Variants in DGKH observed in about 807,000 individuals in gnomAD.
DGKH encodes DAG kinase eta.
Under a neutral mutation model 159.3 loss-of-function variants are expected in DGKH, and 90 were observed. The ratio of observed to expected loss-of-function variants is 0.57; its 90% CI spans 0.48 to 0.67. The LOEUF is 0.67. DGKH is among the 30% of genes least tolerant of loss of function. The pLI, the probability that DGKH is intolerant of heterozygous loss-of-function variation, is 0.00. For synonymous variants in DGKH, 536 were observed against 553.8 expected (o/e 0.97, Z 0.45); for missense variants, 1,181 against 1,506.1 (o/e 0.78, Z 3.57).
chr13:42,253,739 T>C (rs1176343753), intron 30 of DGKH, among the ~76,000 whole-genome samples: 3 of 152,228 alleles, frequency 2.0e-5, no homozygotes, highest in African/African-American at 7.2e-5. Context: ...AGCTTAACTT[T>C]CTAGGTTCTT....
chr13:42,069,408 A>G lies in DGKH; in HGVS notation c.192+20443A>G, dbSNP rs1164894898. On this transcript the variant is annotated intron_variant, in intron 1 of 29. Coordinates refer to ENST00000337343, the MANE Select transcript of DGKH (RefSeq NM_178009.5). ...TACTGACTTTGATATCAAACTTTTC[A>G]ATTCTAGTTGGGACACTGAGCTATT... 5 of 1,534,972 alleles carry G rather than the reference A, an allele frequency of 3.3e-6. No individual in the cohort carries two copies. In the African/African-American group the frequency reaches 6.9e-5, roughly 21 times the overall value.
At chr13:42,088,638 G>T (rs1422780048) in intron 1 of DGKH, among the ~76,000 whole-genome samples, 1 of 151,988 alleles carries the variant, frequency 6.6e-6, no homozygotes, top group Non-Finnish European at 1.5e-5. Flanking sequence ...AAAAGAGCAT[G>T]AGTAATAAGC....
Position 42,143,677 on chromosome 13 carries a change from T to G in DGKH, c.385-11614T>G, listed in dbSNP as rs763916879. ...ATCCATTTCTTCTAGATTTTCTAGT[T>G]TATTTGCGTAGAGGTGTTTATAGTA... is the stretch of plus-strand genomic sequence containing the variant. On this transcript the variant is annotated intron_variant, in intron 3 of 29. Coordinates refer to ENST00000337343, the MANE Select transcript of DGKH (RefSeq NM_178009.5). Among the ~76,000 whole-genome samples, 194 of 152,280 alleles carry G rather than the reference T, an allele frequency of 1.3e-3. 1 individual carries two copies. The highest frequency in any genetic ancestry group is 2.4e-3 in the Non-Finnish European group (166 of 68,018).
Position 42,088,508 on chromosome 13 carries a change from A to AT in DGKH, c.193-38953dup, listed in dbSNP as rs528600002. Among the ~76,000 whole-genome samples the AT allele has an allele frequency of 6.4e-4, 97 of 152,282 alleles. 1 individual carries two copies. The highest frequency in any genetic ancestry group is 2.1e-3 in the African/African-American group (89 of 41,580). ...GAGTTTGAGGAAATGGATGTTTACCATTGTAAGAGTCTCATACTGTAACCG... is the reference window on the plus strand; with the variant it reads ...GAGTTTGAGGAAATGGATGTTTACCATTTGTAAGAGTCTCATACTGTAACCG... On this transcript the variant is annotated intron_variant, in intron 1 of 29. Transcript: ENST00000337343.
chr13:42,083,030 A>G (rs906628370), intron 1 of DGKH, among the ~76,000 whole-genome samples: 1 of 152,174 alleles, frequency 6.6e-6, no homozygotes, highest in African/African-American at 2.4e-5. Context: ...GGTTTTTAGG[A>G]AAAAAGCTAG....
chr13:42,049,733 A>G (rs1209729919), intron 1 of DGKH, among the ~76,000 whole-genome samples: 3 of 152,212 alleles, frequency 2.0e-5, no homozygotes, highest in Admixed American at 1.3e-4. Flanking sequence ...TGCTGTGTGG[A>G]CATTAGGATG....
intron 11 of DGKH, among the ~76,000 whole-genome samples, chr13:42,172,311 C>T (rs1255386383): frequency 6.6e-6 from 1 of 151,606 alleles, no homozygotes; most frequent in Non-Finnish European, 1.5e-5. Flanking sequence ...GGGGTTTCAC[C>T]ATGTTGGCCA....
chr13:42,203,616 A>G (rs1446636198), intron 20 of DGKH, among the ~76,000 whole-genome samples: 3 of 152,190 alleles, frequency 2.0e-5, no homozygotes, highest in Admixed American at 2.0e-4. Context: ...TGAGAAATAT[A>G]TATATAGCTG....
chr13:42,251,203 C>T (rs958875834), intron 29 of DGKH, among the ~76,000 whole-genome samples: 2 of 152,106 alleles, frequency 1.3e-5, no homozygotes, highest in African/African-American at 4.8e-5. Context: ...TGGCCGGGCA[C>T]AGTGGCTCAC....
At chr13:42,167,644 C>T (rs368026920) in intron 9 of DGKH, among the ~76,000 whole-genome samples, 1 of 152,182 alleles carries the variant, frequency 6.6e-6, no homozygotes, top group Admixed American at 6.5e-5. Context: ...CCTTCCTTTC[C>T]TCTGCTGAGG....
chr13:42,147,430 A>G (rs897498359), intron 3 of DGKH, among the ~76,000 whole-genome samples: 25 of 152,220 alleles, frequency 1.6e-4, no homozygotes, highest in African/African-American at 4.8e-4. Flanking sequence ...AAGTATGATT[A>G]TGGTGTAATG....
At chr13:42,256,080 A>C in intron 30 of DGKH, 1 of 1,259,632 alleles carries the variant, frequency 7.9e-7, no homozygotes, top group South Asian at 1.2e-5. Context: ...ATCTTGCCTG[A>C]AAATGAACCA....
At chr13:42,046,740 T>A (rs1880814407), upstream of DGKH, among the ~76,000 whole-genome samples, 1 of 152,212 alleles carries the variant, frequency 6.6e-6, no homozygotes, top group South Asian at 2.1e-4. Context: ...ACATAATGTA[T>A]GAATAGAAGT....
At chr13:42,178,832 G>A (rs1956672749) in intron 13 of DGKH, among the ~76,000 whole-genome samples, 1 of 152,164 alleles carries the variant, frequency 6.6e-6, no homozygotes. Flanking sequence ...AAGAAGGGGT[G>A]ACACCAACTG....
chr13:42,159,479 A>G (rs986582971), intron 6 of DGKH, 107 bp downstream of exon 6: 19 of 809,108 alleles, frequency 2.3e-5, no homozygotes, highest in Non-Finnish European at 3.7e-5. Context: ...TTAGGATTTA[A>G]TAGAAGGTTT....
intron 11 of DGKH, among the ~76,000 whole-genome samples, chr13:42,170,257 T>G (rs75602403): frequency 1.2e-4 from 18 of 152,216 alleles, no homozygotes; most frequent in African/African-American, 3.9e-4. Flanking sequence ...CTATAGAAAT[T>G]CACTTCTCAG....
rs1594230884 is a variant in DGKH at position 42,219,285 on chromosome 13, T to C, written c.3269T>C (p.Val1090Ala). 1 of 1,613,870 alleles carries C rather than the reference T, an allele frequency of 6.2e-7. No homozygotes were observed. The highest frequency in any genetic ancestry group is 2.2e-5 in the East Asian group (1 of 44,848). ...TCCAATGCCTTACACTCTGTGGAGGTGGAATTACAGAAACTGACAGAGATT... is the reference window on the plus strand; with the variant it reads ...TCCAATGCCTTACACTCTGTGGAGGCGGAATTACAGAAACTGACAGAGATT... The part of the protein sequence containing the change: ...RVSNALHSVE[V>A]ELQKLTEIPW... The change falls in exon 27 of 30, where the codon GTG becomes GCG. Residue 1090 changes from valine to alanine, a missense_variant. Around this residue, in one of 5 missense-constraint regions of DGKH, gnomAD observed 335 missense variants for 495.2 expected, o/e 0.68. Coordinates refer to ENST00000337343, the MANE Select transcript of DGKH (RefSeq NM_178009.5).
intron 1 of DGKH, among the ~76,000 whole-genome samples, chr13:42,065,053 C>T (rs192885721): frequency 1.4e-3 from 210 of 152,246 alleles, no homozygotes; most frequent in Non-Finnish European, 2.5e-3. Context: ...GCCTGGCATA[C>T]AGTAAGTGCT....
chr13:42,062,346 C>T (rs1882241316), intron 1 of DGKH, among the ~76,000 whole-genome samples: 1 of 152,106 alleles, frequency 6.6e-6, no homozygotes, highest in Non-Finnish European at 1.5e-5. Context: ...ATATTCCACA[C>T]TGTGTATTAA....
Sources: gnomAD v4.1 joint callset for allele counts (sites outside exome capture counted in the v4.1 genomes callset) on GRCh38, gnomAD v4.1.1 for gene constraint, gnomAD v4.1.1 regional missense constraint, MANE v1.5 for transcripts, NCBI Gene and HGNC (gene_info 2026-07-23, HGNC 2026-07-21) for gene names.